Variants in FSTL5 observed in about 807,000 individuals in gnomAD.
FSTL5 encodes follistatin like 5.
FSTL5 carries 62 observed loss-of-function variants against 89.1 expected under a neutral mutation model. The observed-to-expected ratio is 0.70, with a 90% CI of 0.57 to 0.86. The LOEUF is 0.86. Among genes scored for constraint, FSTL5 ranks in the 40% least tolerant of loss-of-function variants. The pLI is 0.00. For missense variants in FSTL5, 1,057 were observed against 1,001.6 expected (o/e 1.06, Z -0.75); for synonymous variants, 383 against 346.2 (o/e 1.11, Z -1.18).
At chr4:161,896,360 C>T (rs1733157610) in intron 4 of FSTL5, among the ~76,000 whole-genome samples, 1 of 152,112 alleles carries the variant, frequency 6.6e-6, no homozygotes, top group African/African-American at 2.4e-5. Context: ...AATTATCATG[C>T]TATCCTTGCT....
chr4:161,538,879 T>C (rs1731724391), intron 9 of FSTL5, among the ~76,000 whole-genome samples: 1 of 152,064 alleles, frequency 6.6e-6, no homozygotes, highest in Non-Finnish European at 1.5e-5. Flanking sequence ...TTCTCCTGCC[T>C]CAGCTTCCTG....
intron 1 of FSTL5, among the ~76,000 whole-genome samples, chr4:162,116,920 GTTCTCT>G (rs1211419671): frequency 1.3e-5 from 2 of 152,122 alleles, no homozygotes; most frequent in Non-Finnish European, 2.9e-5. Context: ...CAGGCTTTCT[GTTCTCT>G]GCTGCAATTT....
At chr4:161,680,075 T>G (rs1263102403) in intron 6 of FSTL5, among the ~76,000 whole-genome samples, 1 of 151,900 alleles carries the variant, frequency 6.6e-6, no homozygotes, top group Non-Finnish European at 1.5e-5. Context: ...GTCAAATCCA[T>G]TATTATACCA....
intron 3 of FSTL5, among the ~76,000 whole-genome samples, chr4:162,032,104 A>C (rs548720839): frequency 3.5e-4 from 53 of 152,286 alleles, no homozygotes; most frequent in African/African-American, 1.3e-3. Context: ...CATAATTTCT[A>C]CTACTTCAGA....
chr4:161,882,303 C>T (rs919976784), intron 4 of FSTL5, among the ~76,000 whole-genome samples: 2 of 152,078 alleles, frequency 1.3e-5, no homozygotes, highest in Non-Finnish European at 2.9e-5. Flanking sequence ...AATTGTTTCT[C>T]TTTAATTCAG....
In FSTL5 at chr4:162,136,429, G is replaced by A. The variant is rs146889519; in HGVS notation, c.-16-25017C>T. Among the ~76,000 whole-genome samples, 319 of 152,112 alleles carry A rather than the reference G, an allele frequency of 2.1e-3. 1 individual carries two copies. The highest frequency in any genetic ancestry group is 7.1e-3 in the African/African-American group (293 of 41,520). ...AAACCAAACTACTTACTGAGAGTGT[G>A]TCAAATTTCGATTTTACATCTTTAG... On this transcript the variant is annotated intron_variant, in intron 1 of 15. Coordinates refer to ENST00000306100, the MANE Select transcript of FSTL5 (RefSeq NM_020116.5).
intron 7 of FSTL5, among the ~76,000 whole-genome samples, chr4:161,604,168 T>A (rs1466915934): frequency 6.6e-6 from 1 of 152,154 alleles, no homozygotes; most frequent in African/African-American, 2.4e-5. Flanking sequence ...TTTCAACATG[T>A]TACTGGGTTG....
chr4:161,574,617 G>C, intron 8 of FSTL5, among the ~76,000 whole-genome samples: 1 of 151,952 alleles, frequency 6.6e-6, no homozygotes. Flanking sequence ...ACGGTGTTTG[G>C]TTTTCTATTC....
At chr4:161,613,116 G>A (rs944045663) in intron 7 of FSTL5, among the ~76,000 whole-genome samples, 1 of 152,098 alleles carries the variant, frequency 6.6e-6, no homozygotes, top group African/African-American at 2.4e-5. Flanking sequence ...ACTAATACAT[G>A]ATAATTCACT....
In FSTL5 at chr4:161,770,433, T is replaced by C. The variant is rs529603955; in HGVS notation, c.606+5445A>G. ...CATGATGTGATTACTGTATATTGCA[T>C]CCCTATATCAAAGTGTCTCATGTAA... On this transcript the variant is annotated intron_variant, in intron 5 of 15. Transcript: ENST00000306100. Among the ~76,000 whole-genome samples, 6 of 152,076 alleles carry C rather than the reference T, an allele frequency of 3.9e-5. No individual in the cohort carries two copies. The South Asian group carries it at 1.2e-3, about 32-fold the overall frequency.
chr4:162,090,851 A>G lies in FSTL5; in HGVS notation c.126+20420T>C, dbSNP rs936251572. 1.1e-4 allele frequency among the ~76,000 whole-genome samples: 17 copies of G among 152,030 alleles called. No homozygotes were observed. The Middle Eastern group carries it at 0.014, about 122-fold the overall frequency. On this transcript the variant is annotated intron_variant, in intron 2 of 15. Transcript: ENST00000306100. ...CGAGATACCATCTCACACCAGTATT[A>G]AAAACATTTACCAACATCTTTACAT... is the stretch of plus-strand genomic sequence containing the variant.
At chr4:161,525,349 T>A (rs1731180071) in intron 10 of FSTL5, among the ~76,000 whole-genome samples, 1 of 152,268 alleles carries the variant, frequency 6.6e-6, no homozygotes, top group African/African-American at 2.4e-5. Context: ...ACTTTTATTA[T>A]CCTAACAATA....
intron 6 of FSTL5, among the ~76,000 whole-genome samples, chr4:161,662,145 C>G (rs1447255454): frequency 2.6e-5 from 4 of 152,102 alleles, no homozygotes; most frequent in South Asian, 2.1e-4. Context: ...GTGCCACGAT[C>G]TGAAACTGAA....
chr4:162,160,012 G>A (rs1468077488), intron 1 of FSTL5, among the ~76,000 whole-genome samples: 1 of 145,872 alleles, frequency 6.9e-6, no homozygotes, highest in Non-Finnish European at 1.5e-5. Flanking sequence ...AAATTATTTT[G>A]TAATAGCTAG....
At chr4:161,848,774 G>A (rs927415245) in intron 4 of FSTL5, among the ~76,000 whole-genome samples, 1 of 152,142 alleles carries the variant, frequency 6.6e-6, no homozygotes, top group African/African-American at 2.4e-5. Context: ...TGATCCTCAT[G>A]AAAGAGGGAA....
In FSTL5 at chr4:161,515,622, G is replaced by A. The variant is rs573053201; in HGVS notation, c.1313-5198C>T. ...AATTTTTCATTCCTTTTATTCATTT[G>A]TTATAACATGCCTAATATAGTCTTT... On this transcript the variant is annotated intron_variant, in intron 10 of 15. Transcript: ENST00000306100. 2.0e-5 allele frequency among the ~76,000 whole-genome samples: 3 copies of A among 150,480 alleles called. No homozygotes were observed. In the East Asian group the frequency reaches 5.8e-4, roughly 29 times the overall value.
chr4:162,024,709 T>C (rs898381884), intron 3 of FSTL5, among the ~76,000 whole-genome samples: 9 of 152,140 alleles, frequency 5.9e-5, no homozygotes, highest in Non-Finnish European at 7.4e-5. Flanking sequence ...TTACCCAGGC[T>C]AGAATGCAGT....
chr4:161,896,135 A>C (rs1733149739), intron 4 of FSTL5, among the ~76,000 whole-genome samples: 1 of 152,190 alleles, frequency 6.6e-6, no homozygotes, highest in African/African-American at 2.4e-5. Flanking sequence ...CCTGAATTCC[A>C]TAATGTTTCT....
At chr4:162,091,947 T>C (rs1730565783) in intron 2 of FSTL5, among the ~76,000 whole-genome samples, 1 of 127,928 alleles carries the variant, frequency 7.8e-6, no homozygotes, top group South Asian at 2.7e-4. Context: ...AATATATGTA[T>C]ATCTATATGT....
Sources: gnomAD v4.1 joint callset for allele counts (sites outside exome capture counted in the v4.1 genomes callset) on GRCh38, gnomAD v4.1.1 for gene constraint, MANE v1.5 for transcripts, NCBI Gene and HGNC (gene_info 2026-07-23, HGNC 2026-07-21) for gene names.